The following GRM5 variants were observed in gnomAD, a reference collection of about 807,000 sequenced individuals.
GRM5 encodes the protein glutamate metabotropic receptor 5, also known as metabotropic glutamate receptor 5.
Under a neutral mutation model 83.1 loss-of-function variants are expected in GRM5, and 19 were observed. The ratio of observed to expected loss-of-function variants is 0.23; its 90% CI spans 0.16 to 0.34. GRM5 has a LOEUF of 0.34. Ranked by LOEUF, GRM5 falls within the 10% of genes least tolerant of loss-of-function variation. GRM5 has a pLI of 1.00. For missense variants in GRM5, 1,160 were observed against 1,588.3 expected, an observed-to-expected ratio of 0.73 and a Z score of 4.58; for synonymous variants, 675 against 633.6, an observed-to-expected ratio of 1.07 and a Z score of -0.98.
At chr11:88,909,420 A>T (rs529592) in intron 2 of GRM5, among the ~76,000 whole-genome samples, 1 of 151,264 alleles carries the variant, frequency 6.6e-6, no homozygotes, top group African/African-American at 2.4e-5. Context: ...AAGGTAAATC[A>T]ATGGCCAGAC....
At chr11:89,009,762 G>T (rs1339936187) in intron 2 of GRM5, among the ~76,000 whole-genome samples, 3 of 150,842 alleles carry the variant, frequency 2.0e-5, no homozygotes, top group East Asian at 1.9e-4. Flanking sequence ...TTAGCCGGGC[G>T]TGGTAGCGGG....
At chr11:88,660,343 C>T (rs1939872219) in intron 3 of GRM5, among the ~76,000 whole-genome samples, 3 of 152,122 alleles carry the variant, frequency 2.0e-5, no homozygotes, top group Admixed American at 1.3e-4. Flanking sequence ...GTTCTTAATT[C>T]TTACATTTAT....
chr11:88,820,702 G>A (rs549105463), intron 3 of GRM5, among the ~76,000 whole-genome samples: 40 of 152,168 alleles, frequency 2.6e-4, no homozygotes, highest in African/African-American at 5.5e-4. Flanking sequence ...AAAATATTTC[G>A]TAAATGTCTA....
At chr11:88,928,660 C>T (rs1347304518) in intron 2 of GRM5, among the ~76,000 whole-genome samples, 1 of 151,748 alleles carries the variant, frequency 6.6e-6, no homozygotes, top group Non-Finnish European at 1.5e-5. Flanking sequence ...TGCCAAAACA[C>T]ATTGGAAGGA....
rs1294037257 is a variant in GRM5, at chr11:89,012,621, C to A, written c.661+34591G>T. ...GAATCAAGAACTGCTGCACAGAAAC[C>A]TTTGATAGCCAATGTCCTAATACGA... On this transcript the variant is annotated intron_variant, in intron 2 of 9. Coordinates refer to ENST00000305447, the MANE Select transcript of GRM5 (RefSeq NM_001143831.3). 2.0e-5 allele frequency among the ~76,000 whole-genome samples: 3 copies of A among 152,170 alleles called. No individual in the cohort carries two copies. The East Asian group carries it at 5.8e-4, about 29-fold the overall frequency.
At chr11:89,010,999 T>A (rs1179172095) in intron 2 of GRM5, among the ~76,000 whole-genome samples, 1 of 152,224 alleles carries the variant, frequency 6.6e-6, no homozygotes, top group Non-Finnish European at 1.5e-5. Flanking sequence ...TTTAATTTAA[T>A]GTGGTTCCAT....
At position 88,970,185 on chromosome 11, in the gene GRM5, C is replaced by G. The variant is rs535722540; in HGVS notation, c.661+77027G>C. On this transcript the variant is annotated intron_variant, in intron 2 of 9. Transcript: ENST00000305447. The stretch of plus-strand genomic sequence containing the variant: ...TGTGTGTTTGTGTAACTTGAATAAG[C>G]TTCTGTAACAAATAGATCATAGGAG... 4.6e-5 allele frequency among the ~76,000 whole-genome samples: 7 copies of G among 152,134 alleles called. No homozygotes were observed. In the South Asian group the frequency reaches 1.5e-3, roughly 32 times the overall value.
intron 2 of GRM5, among the ~76,000 whole-genome samples, chr11:88,961,398 G>A (rs1304360940): frequency 4.6e-5 from 7 of 150,760 alleles, no homozygotes; most frequent in African/African-American, 9.8e-5. Context: ...AAACACTGGC[G>A]AACCCAAAGA....
intron 2 of GRM5, among the ~76,000 whole-genome samples, chr11:89,023,375 C>T (rs1941038087): frequency 6.6e-6 from 1 of 152,070 alleles, no homozygotes; most frequent in Admixed American, 6.6e-5. Flanking sequence ...AATGTTAAAT[C>T]AATGGAGTAT....
At chr11:88,984,498 A>T (rs1939632946) in intron 2 of GRM5, among the ~76,000 whole-genome samples, 1 of 152,140 alleles carries the variant, frequency 6.6e-6, no homozygotes. Flanking sequence ...AAACTGCCTA[A>T]TGTTGCATTT....
intron 3 of GRM5, among the ~76,000 whole-genome samples, chr11:88,790,682 C>A (rs1241640900): frequency 2.6e-5 from 4 of 151,972 alleles, no homozygotes; most frequent in African/African-American, 9.7e-5. Flanking sequence ...GCATGAAGTA[C>A]AAATCAGGAA....
At chr11:88,546,647 A>C (rs567761335) in intron 8 of GRM5, among the ~76,000 whole-genome samples, 191 of 152,240 alleles carry the variant, frequency 1.3e-3, no homozygotes, top group African/African-American at 4.5e-3. Context: ...TATGTGTTCA[A>C]AACTTCTGTA....
At chr11:88,900,354 C>G (rs773694802) in intron 2 of GRM5, among the ~76,000 whole-genome samples, 2 of 152,102 alleles carry the variant, frequency 1.3e-5, no homozygotes, top group African/African-American at 2.4e-5. Context: ...TCACTGAACA[C>G]AGATTTGGGA....
intron 2 of GRM5, among the ~76,000 whole-genome samples, chr11:88,922,197 A>G (rs1945705088): frequency 6.6e-6 from 1 of 152,196 alleles, no homozygotes; most frequent in Non-Finnish European, 1.5e-5. Flanking sequence ...TTTCTATCAA[A>G]ATACCATTTA....
At chr11:88,563,228 A>G (rs1942796938) in intron 8 of GRM5, among the ~76,000 whole-genome samples, 1 of 152,218 alleles carries the variant, frequency 6.6e-6, no homozygotes, top group Non-Finnish European at 1.5e-5. Flanking sequence ...ACAGTTGAGA[A>G]AACAGACTAA....
chr11:88,906,668 T>C (rs952257660), intron 2 of GRM5, among the ~76,000 whole-genome samples: 1 of 152,182 alleles, frequency 6.6e-6, no homozygotes, highest in Admixed American at 6.6e-5. Flanking sequence ...ATGAATGCAA[T>C]ACTCAACAGA....
At chr11:88,527,336 A>T (rs1251531129) in intron 8 of GRM5, among the ~76,000 whole-genome samples, 1 of 152,192 alleles carries the variant, frequency 6.6e-6, no homozygotes, top group East Asian at 1.9e-4. Context: ...TACAGTCTTC[A>T]TGCTTATAAG....
At chr11:88,910,777 TG>T (rs565781695) in intron 2 of GRM5, among the ~76,000 whole-genome samples, 216 of 152,164 alleles carry the variant, frequency 1.4e-3, no homozygotes, top group African/African-American at 5.1e-3. Flanking sequence ...GTAGGTGAAA[TG>T]TCTATTCACG....
chr11:88,800,836 T>C (rs1488721896), intron 3 of GRM5, among the ~76,000 whole-genome samples: 2 of 152,122 alleles, frequency 1.3e-5, no homozygotes. Flanking sequence ...GCCATGAGGA[T>C]CAATTGTGAT....
Sources: gnomAD v4.1 joint callset for allele counts (sites outside exome capture counted in the v4.1 genomes callset) on GRCh38, gnomAD v4.1.1 for gene constraint, MANE v1.5 for transcripts, NCBI Gene and HGNC (gene_info 2026-07-23, HGNC 2026-07-21) for gene names.